GLG1: variants seen among roughly 807,000 people sequenced by gnomAD.
The protein encoded by GLG1 is Golgi apparatus protein 1.
In GLG1, 38 loss-of-function variants were observed where a neutral mutation model predicts 160.5. The observed-to-expected ratio is 0.24, with a 90% CI of 0.18 to 0.31. GLG1 has a LOEUF of 0.31. GLG1 is among the 10% of genes least tolerant of loss of function. The pLI, the probability that GLG1 is intolerant of heterozygous loss-of-function variation, is 1.00. For synonymous variants in GLG1, 644 were observed against 543.4 expected, an observed-to-expected ratio of 1.19 and a Z score of -2.57; for missense variants, 1,373 against 1,505.2, an observed-to-expected ratio of 0.91 and a Z score of 1.45.
At chr16:74,551,392 C>T (rs2018193991) in intron 1 of GLG1, among the ~76,000 whole-genome samples, 2 of 151,814 alleles carry the variant, frequency 1.3e-5, no homozygotes, top group Admixed American at 6.6e-5. Flanking sequence ...CCCCAACCCC[C>T]ACCTCAGCTC....
In GLG1 at chr16:74,471,283, C is replaced by T. The variant is rs745901793; in HGVS notation, c.2119G>A (p.Val707Met). Residue 707 changes from valine (V) to methionine (M), a missense_variant, in exon 15 of 26, where the codon GTG becomes ATG. Physicochemically the swap from Val to Met is conservative, Grantham distance 21. Transcript: ENST00000422840. ...CCAGAGTCTATCTGGTTATCTGCCA[C>T]ATCCTGGGGAAGACAGCATGCATTT... ...EPIIQNFCHD[V>M]ADNQIDSGDL... 2 of 1,538,202 alleles carry T rather than the reference C, an allele frequency of 1.3e-6. No individual in the cohort carries two copies. Among genetic ancestry groups the T allele is most frequent in the African/African-American group, 1.4e-5 (1 of 73,420 alleles).
rs545314465 is a variant in GLG1, at chr16:74,543,105, T to C, written c.439-10952A>G. 1.8e-4 allele frequency among the ~76,000 whole-genome samples: 28 copies of C among 151,860 alleles called. No individual in the cohort carries two copies. The South Asian group carries it at 5.8e-3, about 32-fold the overall frequency. On this transcript the variant is annotated intron_variant, in intron 1 of 25. Coordinates refer to ENST00000422840, the MANE Select transcript of GLG1 (RefSeq NM_001145667.2). ...TTGAACTGGCCTAAGCAAGAGCAAA[T>C]AGGGCTGAGCTGCCAGAATGTGCTG...
intron 2 of GLG1, among the ~76,000 whole-genome samples, chr16:74,529,026 G>A (rs1241293790): frequency 1.3e-5 from 2 of 150,686 alleles, no homozygotes; most frequent in Admixed American, 6.6e-5. Context: ...GAGTGCAGTG[G>A]TACGATAGTG....
At chr16:74,456,382 G>T (rs149281759) in intron 25 of GLG1, among the ~76,000 whole-genome samples, 1 of 152,172 alleles carries the variant, frequency 6.6e-6, no homozygotes, top group Non-Finnish European at 1.5e-5. Flanking sequence ...GGTTGGTCTC[G>T]ATCTCCTGAC....
intron 24 of GLG1, among the ~76,000 whole-genome samples, chr16:74,457,248 T>C (rs2014586515): frequency 6.6e-6 from 1 of 151,896 alleles, no homozygotes; most frequent in Non-Finnish European, 1.5e-5. Context: ...AATACAAAAA[T>C]GAGCCAGGCA....
chr16:74,564,731 T>C (rs568309447), intron 1 of GLG1, among the ~76,000 whole-genome samples: 1 of 152,342 alleles, frequency 6.6e-6, no homozygotes, highest in South Asian at 2.1e-4. Context: ...ATTAAGCTTA[T>C]TCACTAGGCA....
At chr16:74,514,301 T>C (rs896538249) in intron 2 of GLG1, among the ~76,000 whole-genome samples, 3 of 152,218 alleles carry the variant, frequency 2.0e-5, no homozygotes, top group East Asian at 1.9e-4. Flanking sequence ...ACCACAAAGA[T>C]ACTCATCAAG....
Position 74,471,224 on chromosome 16 carries a change from G to A in GLG1, c.2178C>T (p.His726=). The change falls in exon 15 of 26, where the codon CAC becomes CAT. Residue 726 remains histidine, a synonymous_variant. Transcript: ENST00000422840. ...CACACTTCTCGTTCATGTCCTTCTG[G>A]TGTTTGTTCTGTATCAGACACTCCA... ...DLMECLIQNK[H]QKDMNEKCAI... is the part of the protein sequence containing the mutation. The A allele has an allele frequency of 6.2e-7, 1 of 1,613,184 alleles. No individual in the cohort carries two copies. Among genetic ancestry groups the A allele is most frequent in the Non-Finnish European group, 8.5e-7 (1 of 1,179,164 alleles).
At chr16:74,495,404 G>A (rs1350632579) in intron 5 of GLG1, among the ~76,000 whole-genome samples, 5 of 152,176 alleles carry the variant, frequency 3.3e-5, no homozygotes, top group Admixed American at 6.5e-5. Flanking sequence ...GTGAGCCGCC[G>A]CACCCAGCCT....
At chr16:74,492,921 C>A in intron 7 of GLG1, 36 bp downstream of exon 7, 3 of 1,351,306 alleles carry the variant, frequency 2.2e-6, no homozygotes, top group South Asian at 1.5e-5. Context: ...CAAAAAGGAA[C>A]AGAAATGATA....
In GLG1 at chr16:74,536,435, T is replaced by C. The variant is rs540566046; in HGVS notation, c.439-4282A>G. ...TTGAATAATGATGATGAACTCAAAA[T>C]TGTGCTAGGCATTGTTGCAGGATAC... On this transcript the variant is annotated intron_variant, in intron 1 of 25. Transcript: ENST00000422840. Among the ~76,000 whole-genome samples the C allele has an allele frequency of 2.4e-3, 372 of 152,252 alleles. 1 individual carries two copies. Among genetic ancestry groups the C allele is most frequent in the African/African-American group, 8.5e-3 (352 of 41,538 alleles).
chr16:74,596,812 A>C (rs538117864), intron 1 of GLG1, among the ~76,000 whole-genome samples: 1 of 152,288 alleles, frequency 6.6e-6, no homozygotes, highest in South Asian at 2.1e-4. Context: ...CAGTTTTCTC[A>C]CTAAAAATAA....
At chr16:74,467,934 CTT>C in intron 17 of GLG1, 86 bp from the exon 18 acceptor site, 2 of 841,710 alleles carry the variant, frequency 2.4e-6, no homozygotes, top group South Asian at 3.1e-5. Flanking sequence ...TTGACTGCAT[CTT>C]GTCTAGTGAC....
At chr16:74,469,130 T>TGG in intron 16 of GLG1, 67 bp from the exon 17 acceptor site, 2 of 990,246 alleles carry the variant, frequency 2.0e-6, no homozygotes, top group Non-Finnish European at 3.3e-6. Context: ...GAGCTGGGCT[T>TGG]GGGGGGGGTC....
intron 2 of GLG1, among the ~76,000 whole-genome samples, chr16:74,514,632 C>T (rs867719855): frequency 1.3e-5 from 2 of 152,070 alleles, no homozygotes. Context: ...CAAGAACTCC[C>T]GAAGGAAGCA....
chr16:74,527,355 T>C (rs1193603874), intron 2 of GLG1, among the ~76,000 whole-genome samples: 1 of 150,460 alleles, frequency 6.6e-6, no homozygotes, highest in African/African-American at 2.4e-5. Context: ...ATTCAAGTGA[T>C]TCTCACGCCT....
chr16:74,603,984 TAAA>T (rs780147517), intron 1 of GLG1, among the ~76,000 whole-genome samples: 15 of 138,398 alleles, frequency 1.1e-4, no homozygotes, highest in Non-Finnish European at 9.5e-5. Flanking sequence ...CCGAGAGCGT[TAAA>T]AAAAAAAAAA....
intron 1 of GLG1, among the ~76,000 whole-genome samples, chr16:74,582,277 C>T (rs1957955347): frequency 6.6e-6 from 1 of 152,054 alleles, no homozygotes; most frequent in Non-Finnish European, 1.5e-5. Context: ...AGTGATTCTC[C>T]TGCCTCAGCC....
chr16:74,465,374 T>A (rs528790935), intron 19 of GLG1, among the ~76,000 whole-genome samples: 2 of 152,248 alleles, frequency 1.3e-5, no homozygotes, highest in Admixed American at 6.5e-5. Context: ...CACATCCATT[T>A]ACTTGTGCCT....
Sources: gnomAD v4.1 joint callset for allele counts (sites outside exome capture counted in the v4.1 genomes callset) on GRCh38, gnomAD v4.1.1 for gene constraint, MANE v1.5 for transcripts, NCBI Gene and HGNC (gene_info 2026-07-23, HGNC 2026-07-21) for gene names.